ARHGAP29: variants seen among roughly 807,000 people sequenced by gnomAD.
ARHGAP29 encodes Rho GTPase activating protein 29, also known as rho GTPase-activating protein 29.
In ARHGAP29, 43 loss-of-function variants were observed where a neutral mutation model predicts 122.6. The observed-to-expected ratio is 0.35, with a 90% CI of 0.27 to 0.45. ARHGAP29 has a LOEUF of 0.45. Ranked by LOEUF, ARHGAP29 falls within the 20% of genes least tolerant of loss-of-function variation. The pLI is 1.00. For missense variants in ARHGAP29, 1,303 were observed against 1,477.2 expected, an observed-to-expected ratio of 0.88 and a Z score of 1.93; for synonymous variants, 506 against 497.1, an observed-to-expected ratio of 1.02 and a Z score of -0.24.
the ARHGAP29 span, among the ~76,000 whole-genome samples, chr1:94,307,051 A>C: frequency 6.6e-6 from 1 of 152,206 alleles, no homozygotes; most frequent in Non-Finnish European, 1.5e-5. Context: ...AGAAAAACAC[A>C]ATTATTTCTA....
Position 94,208,829 on chromosome 1 carries a change from T to C in ARHGAP29, c.510+3A>G, listed in dbSNP as rs753438646. ...ACTTTGCTTTCACACAAACTTAGCTTACCTTAGTTTCTCGAGAAACAGGCA... is the reference window on the plus strand; with the variant it reads ...ACTTTGCTTTCACACAAACTTAGCTCACCTTAGTTTCTCGAGAAACAGGCA... On this transcript the variant is annotated splice_donor_region_variant and intron_variant, in intron 5 of 22. Transcript: ENST00000260526. 6.2e-7 allele frequency: 1 copy of C among 1,613,262 alleles called. No homozygotes were observed. The highest frequency in any genetic ancestry group is 1.7e-5 in the Admixed American group (1 of 59,996).
intron 1 of ARHGAP29, among the ~76,000 whole-genome samples, chr1:94,234,304 A>C (rs1048596454): frequency 6.6e-6 from 1 of 152,226 alleles, no homozygotes; most frequent in African/African-American, 2.4e-5. Flanking sequence ...AAACTTATAA[A>C]GTTTCAATTA....
the ARHGAP29 span, among the ~76,000 whole-genome samples, chr1:94,314,037 A>T: frequency 6.6e-6 from 1 of 152,196 alleles, no homozygotes; most frequent in Admixed American, 6.5e-5. Flanking sequence ...TGACGAGTTA[A>T]TGGGTGCAGC....
Position 94,231,453 on chromosome 1 carries a change from C to T in ARHGAP29, c.159G>A (p.Arg53=), listed in dbSNP as rs750879133. The T allele has an allele frequency of 2.5e-6, 4 of 1,613,670 alleles. No individual in the cohort carries two copies. The highest frequency in any genetic ancestry group is 2.2e-5 in the South Asian group (2 of 91,054). ...AATATAGTAACATGTGGGAGAACTTCCTGATATCATTCACCAACTCCTTGA... is the reference window on the plus strand; with the variant it reads ...AATATAGTAACATGTGGGAGAACTTTCTGATATCATTCACCAACTCCTTGA... ...DYIKELVNDI[R]KFSHMLLYLK... is the part of the protein sequence containing the mutation. The change falls in exon 2 of 23, where the codon AGG becomes AGA. Residue 53 remains arginine, a synonymous_variant. Transcript: ENST00000260526.
rs184861473 is a variant in ARHGAP29, at chr1:94,210,948, G to T, written c.341-1598C>A. Among the ~76,000 whole-genome samples the T allele has an allele frequency of 1.9e-4, 29 of 150,450 alleles. No homozygotes were observed. In the East Asian group the frequency reaches 5.7e-3, roughly 30 times the overall value. Reference sequence around the variant, plus strand: ...TTTCTATACAAAGGACATTACCAGGGATAAAAAGAGTCATTTATAATTATG... The same window carrying T: ...TTTCTATACAAAGGACATTACCAGGTATAAAAAGAGTCATTTATAATTATG... On this transcript the variant is annotated intron_variant, in intron 3 of 22. Coordinates refer to ENST00000260526, the MANE Select transcript of ARHGAP29 (RefSeq NM_004815.4).
chr1:94,184,396 TTTATTA>T (rs1200846252), intron 18 of ARHGAP29, 108 bp from the exon 19 acceptor site: 1 of 821,770 alleles, frequency 1.2e-6, no homozygotes, highest in African/African-American at 1.8e-5. Context: ...TATTTCAAAT[TTTATTA>T]TTATTTTAGA....
chr1:94,188,906 A>C lies in ARHGAP29; in HGVS notation c.1612T>G (p.Phe538Val), dbSNP rs1649968368. 1 of 1,613,232 alleles carries C rather than the reference A, an allele frequency of 6.2e-7. No homozygotes were observed. The highest frequency in any genetic ancestry group is 8.5e-7 in the Non-Finnish European group (1 of 1,179,350). The change falls in exon 15 of 23, where the codon TTT (phenylalanine) becomes GTT (valine). Residue 538 changes from phenylalanine (F) to valine (V), a missense_variant. This residue lies in a region of ARHGAP29 where 592 missense variants were observed against 648.2 expected (regional missense o/e 0.91). Coordinates refer to ENST00000260526, the MANE Select transcript of ARHGAP29 (RefSeq NM_004815.4). ...SFIRSWTFGM[F>V]SDSESTGGSS... is the part of the protein sequence containing the mutation. ...CCTCCAGTGCTCTCAGAATCACTAAACATCCCAAATGTCCATGATCTTATA... is the reference window on the plus strand; with the variant it reads ...CCTCCAGTGCTCTCAGAATCACTAACCATCCCAAATGTCCATGATCTTATA...
Position 94,209,350 on chromosome 1 carries a change from G to C in ARHGAP29, c.341C>G (p.Ala114Gly), listed in dbSNP as rs1178470400. The part of the protein sequence containing the change: ...AAEMLTAKVK[A>G]VNFTEVNEEN... Reference sequence around the variant, plus strand: ...TTCATTAACTTCTGTGAAGTTCACAGCTGTAAGGAAAAGTTGGTTACAATA... The same window carrying C: ...TTCATTAACTTCTGTGAAGTTCACACCTGTAAGGAAAAGTTGGTTACAATA... Residue 114 changes from alanine (A) to glycine (G), a missense_variant and splice_region_variant, in exon 4 of 23, where the codon GCT (alanine) becomes GGT (glycine). Around this residue, in one of 3 missense-constraint regions of ARHGAP29, gnomAD observed 592 missense variants for 648.2 expected, o/e 0.91. Transcript: ENST00000260526. 22 of 1,593,512 alleles carry C rather than the reference G, an allele frequency of 1.4e-5. No homozygotes were observed. The highest frequency in any genetic ancestry group is 1.8e-5 in the Non-Finnish European group (21 of 1,172,442).
intron 3 of ARHGAP29, among the ~76,000 whole-genome samples, chr1:94,213,307 G>A (rs1651766085): frequency 6.6e-6 from 1 of 152,136 alleles, no homozygotes. Context: ...AGCCTCCCGA[G>A]TAGCTGGGAC....
chr1:94,261,137 A>G (rs1409685336), intron 1 of ARHGAP29, among the ~76,000 whole-genome samples: 3 of 151,874 alleles, frequency 2.0e-5, no homozygotes, highest in Non-Finnish European at 2.9e-5. Context: ...CTGAATGTAC[A>G]CTCTCCTCTT....
chr1:94,264,136 A>G (rs1654665567), intron 1 of ARHGAP29, among the ~76,000 whole-genome samples: 1 of 152,162 alleles, frequency 6.6e-6, no homozygotes, highest in Admixed American at 6.5e-5. Context: ...CTTATTCACA[A>G]TCTTGGCAGT....
chr1:94,208,908 T>A lies in ARHGAP29; in HGVS notation c.438-4A>T, dbSNP rs1354358693. 1.2e-6 allele frequency: 2 copies of A among 1,612,542 alleles called. No homozygotes were observed. Among genetic ancestry groups the A allele is most frequent in the African/African-American group, 2.7e-5 (2 of 74,896 alleles). ...TCCCATAAGGAAGTTTGTAAGGCTATCCAAGGAGGTTAAAAAAAGAAAGAC... is the reference window on the plus strand; with the variant it reads ...TCCCATAAGGAAGTTTGTAAGGCTAACCAAGGAGGTTAAAAAAAGAAAGAC... On this transcript the variant is annotated splice_region_variant and splice_polypyrimidine_tract_variant and intron_variant, in intron 4 of 22. Coordinates refer to ENST00000260526, the MANE Select transcript of ARHGAP29 (RefSeq NM_004815.4).
upstream of ARHGAP29, among the ~76,000 whole-genome samples, chr1:94,279,804 T>C (rs1253706715): frequency 2.0e-5 from 3 of 152,224 alleles, no homozygotes; most frequent in Non-Finnish European, 2.9e-5. Flanking sequence ...CACTATACCT[T>C]GAGTCTTTCC....
At chr1:94,313,359 C>T in the ARHGAP29 span, among the ~76,000 whole-genome samples, 1 of 152,202 alleles carries the variant, frequency 6.6e-6, no homozygotes, top group African/African-American at 2.4e-5. Context: ...CCCACAATCA[C>T]CCCTGCTTTG....
chr1:94,208,776 T>C lies in ARHGAP29; in HGVS notation c.510+56A>G, dbSNP rs528295093. The C allele has an allele frequency of 1.6e-5, 25 of 1,558,300 alleles. No individual in the cohort carries two copies. The Middle Eastern group carries it at 6.7e-4, about 42-fold the overall frequency. ...CCCCCGGCCTAAGATTAGGCAATAGTTGAAACATGAAGTTAAAAACATTAA... is the reference window on the plus strand; with the variant it reads ...CCCCCGGCCTAAGATTAGGCAATAGCTGAAACATGAAGTTAAAAACATTAA... On this transcript the variant is annotated intron_variant, in intron 5 of 22. Coordinates refer to ENST00000260526, the MANE Select transcript of ARHGAP29 (RefSeq NM_004815.4).
the ARHGAP29 span, among the ~76,000 whole-genome samples, chr1:94,297,469 G>A: frequency 6.6e-6 from 1 of 152,124 alleles, no homozygotes; most frequent in Admixed American, 6.5e-5. Flanking sequence ...TATCCATAAT[G>A]TTATCTGATT....
At chr1:94,271,391 A>G (rs1654988154) in intron 1 of ARHGAP29, among the ~76,000 whole-genome samples, 1 of 152,238 alleles carries the variant, frequency 6.6e-6, no homozygotes, top group Non-Finnish European at 1.5e-5. Context: ...TCCACACTCA[A>G]GGGTAGGGGA....
the ARHGAP29 span, among the ~76,000 whole-genome samples, chr1:94,281,657 C>T: frequency 6.6e-6 from 1 of 152,170 alleles, no homozygotes; most frequent in East Asian, 1.9e-4. Flanking sequence ...ACTTCTCCCC[C>T]AGTAGGTACT....
the ARHGAP29 span, among the ~76,000 whole-genome samples, chr1:94,306,469 T>C: frequency 1.3e-5 from 2 of 152,268 alleles, no homozygotes; most frequent in African/African-American, 4.8e-5. Context: ...ATTAGCAGAC[T>C]GTTATATTTC....
Sources: gnomAD v4.1 joint callset for allele counts (sites outside exome capture counted in the v4.1 genomes callset) on GRCh38, gnomAD v4.1.1 for gene constraint, gnomAD v4.1.1 regional missense constraint, MANE v1.5 for transcripts, NCBI Gene and HGNC (gene_info 2026-07-23, HGNC 2026-07-21) for gene names.